Variants in GALNTL5 observed in about 807,000 individuals in gnomAD.
The protein encoded by GALNTL5 is polypeptide N-acetylgalactosaminyltransferase like 5, also known as inactive polypeptide N-acetylgalactosaminyltransferase-like protein 5.
Under a neutral mutation model 51.0 loss-of-function variants are expected in GALNTL5, and 44 were observed. The ratio of observed to expected loss-of-function variants is 0.86; its 90% CI spans 0.68 to 1.11. The LOEUF is 1.11. GALNTL5 is among the 50% of genes least tolerant of loss of function. GALNTL5 has a pLI of 0.00. For missense variants in GALNTL5, 528 were observed against 531.8 expected, an observed-to-expected ratio of 0.99 and a Z score of 0.07; for synonymous variants, 192 against 182.8, an observed-to-expected ratio of 1.05 and a Z score of -0.41.
chr7:152,002,810 T>G lies in GALNTL5; in HGVS notation c.755T>G (p.Val252Gly). 6.2e-7 allele frequency: 1 copy of G among 1,614,138 alleles called. No homozygotes were observed. Among genetic ancestry groups the G allele is most frequent in the Non-Finnish European group, 8.5e-7 (1 of 1,180,012 alleles). Residue 252 changes from valine (V) to glycine (G), a missense_variant, in exon 6 of 9, where the codon GTG (valine) becomes GGG (glycine). Coordinates refer to ENST00000392800, the MANE Select transcript of GALNTL5 (RefSeq NM_145292.4). ...HAIAKDPKMV[V>G]CPLIDVIDDR... is the part of the protein sequence containing the mutation. ...ATTGCCAAGGACCCCAAAATGGTGG[T>G]GTGCCCCCTGATAGATGTCATTGAT...
intron 5 of GALNTL5, 136 bp from the exon 6 acceptor site, chr7:152,002,578 C>T (rs2081594047): frequency 2.4e-6 from 2 of 822,352 alleles, no homozygotes; most frequent in Admixed American, 2.8e-5. Context: ...TGTTTCCTTC[C>T]AATGAAAATG....
intron 5 of GALNTL5, among the ~76,000 whole-genome samples, chr7:152,000,723 A>G (rs1175126573): frequency 6.6e-6 from 1 of 152,146 alleles, no homozygotes; most frequent in Non-Finnish European, 1.5e-5. Flanking sequence ...CGTCTTTGCA[A>G]AGATGTCTAT....
Position 151,957,045 on chromosome 7 carries a change from A to G in GALNTL5, c.-40+436A>G, listed in dbSNP as rs139084405. Among the ~76,000 whole-genome samples the G allele has an allele frequency of 6.2e-3, 934 of 151,812 alleles. 8 individuals are homozygous for G. Among genetic ancestry groups the G allele is most frequent in the Middle Eastern group, 0.021 (6 of 292 alleles). On this transcript the variant is annotated intron_variant, in intron 1 of 8. Transcript: ENST00000392800. ...TTATAAACTGGGCACGGCAGCTGGC[A>G]TCTGTAATTCCAGCTCCTGGGAGGC...
chr7:151,970,962 A>G lies in GALNTL5; in HGVS notation c.265A>G (p.Thr89Ala), dbSNP rs1554404601. Residue 89 changes from threonine to alanine, a missense_variant, in exon 3 of 9, where the codon ACA (threonine) becomes GCA (alanine). Transcript: ENST00000392800. The stretch of plus-strand genomic sequence containing the variant: ...TCTTGCAGGTACAGATTTTAACCAT[A>G]CAAACCCAGAACTTCATAAAGAACT... ...KSMLGTDFNH[T>A]NPELHKELLK... The G allele has an allele frequency of 6.2e-7, 1 of 1,603,268 alleles. No homozygotes were observed. Among genetic ancestry groups the G allele is most frequent in the Non-Finnish European group, 8.5e-7 (1 of 1,171,176 alleles).
intron 8 of GALNTL5, among the ~76,000 whole-genome samples, chr7:152,016,688 C>G (rs2081819021): frequency 6.6e-6 from 1 of 152,138 alleles, no homozygotes; most frequent in South Asian, 2.1e-4. Context: ...TACTCATCAA[C>G]AGTACAGTGG....
intron 5 of GALNTL5, among the ~76,000 whole-genome samples, chr7:151,992,227 G>C (rs1357150027): frequency 6.6e-6 from 1 of 152,078 alleles, no homozygotes; most frequent in Non-Finnish European, 1.5e-5. Context: ...TAGAAGTGGC[G>C]GCAGCAGGCA....
chr7:151,984,770 C>A (rs1586827196), intron 4 of GALNTL5, among the ~76,000 whole-genome samples: 1 of 152,100 alleles, frequency 6.6e-6, no homozygotes, highest in East Asian at 1.9e-4. Flanking sequence ...GGGAAAGCCA[C>A]CAGCAGGGGA....
In GALNTL5 at chr7:151,987,259, G is replaced by A. The variant is rs140077291; in HGVS notation, c.636G>A (p.Leu212=). ...GAGAGGGGCTGATTCGAGCAAGGCT[G>A]ATTGGAGCTTCTCATGCTTCAGGTA... is the stretch of plus-strand genomic sequence containing the variant. ...KKREGLIRAR[L]IGASHASGDV... Residue 212 remains leucine, a synonymous_variant, in exon 5 of 9, where the codon CTG becomes CTA. Coordinates refer to ENST00000392800, the MANE Select transcript of GALNTL5 (RefSeq NM_145292.4). The A allele has an allele frequency of 1.3e-6, 2 of 1,583,312 alleles. No homozygotes were observed. Among genetic ancestry groups the A allele is most frequent in the South Asian group, 1.2e-5 (1 of 83,546 alleles).
intron 4 of GALNTL5, 50 bp downstream of exon 4, chr7:151,983,202 A>C: frequency 6.8e-7 from 1 of 1,469,402 alleles, no homozygotes; most frequent in South Asian, 1.2e-5. Context: ...GTTGTTGTTG[A>C]GATTTCCCTC....
chr7:151,973,178 C>T (rs942037357), intron 3 of GALNTL5, among the ~76,000 whole-genome samples: 11 of 152,062 alleles, frequency 7.2e-5, no homozygotes, highest in African/African-American at 9.6e-5. Flanking sequence ...ATTTAGGGGC[C>T]AGGCACTGTG....
chr7:152,009,545 T>C (rs2081701652), intron 7 of GALNTL5, among the ~76,000 whole-genome samples: 2 of 152,224 alleles, frequency 1.3e-5, no homozygotes, highest in African/African-American at 2.4e-5. Context: ...TCCATCCTTG[T>C]CAGACTTTGC....
chr7:151,999,963 T>G (rs2081551048), intron 5 of GALNTL5, among the ~76,000 whole-genome samples: 2 of 152,214 alleles, frequency 1.3e-5, no homozygotes, highest in South Asian at 4.1e-4. Flanking sequence ...GTCATGTTGT[T>G]AGAGATTAAA....
chr7:152,011,361 C>G (rs1187493509), intron 7 of GALNTL5, among the ~76,000 whole-genome samples: 2 of 152,258 alleles, frequency 1.3e-5, no homozygotes, highest in East Asian at 3.8e-4. Flanking sequence ...GTTCTGGTAA[C>G]TGAGCTTCAA....
At chr7:151,957,159 A>G (rs2080936037) in intron 1 of GALNTL5, among the ~76,000 whole-genome samples, 1 of 149,730 alleles carries the variant, frequency 6.7e-6, no homozygotes, top group Admixed American at 6.6e-5. Flanking sequence ...AAAAAAAAAA[A>G]GGAAAAAAAG....
intron 5 of GALNTL5, among the ~76,000 whole-genome samples, chr7:151,990,178 G>T (rs1361406492): frequency 6.6e-6 from 1 of 151,838 alleles, no homozygotes; most frequent in African/African-American, 2.4e-5. Flanking sequence ...GAGTAGCTGG[G>T]ATTACAGGTG....
rs1396508770 is a variant in GALNTL5 at position 151,970,942 on chromosome 7, C to T, written c.248-3C>T. ...ATATGATTCTAATTACATTTTCTTGCAGGTACAGATTTTAACCATACAAAC... is the reference window on the plus strand; with the variant it reads ...ATATGATTCTAATTACATTTTCTTGTAGGTACAGATTTTAACCATACAAAC... On this transcript the variant is annotated splice_region_variant and splice_polypyrimidine_tract_variant and intron_variant, in intron 2 of 8. Coordinates refer to ENST00000392800, the MANE Select transcript of GALNTL5 (RefSeq NM_145292.4). 3 of 1,590,254 alleles carry T rather than the reference C, an allele frequency of 1.9e-6. No homozygotes were observed. In the South Asian group the frequency reaches 3.4e-5, roughly 18 times the overall value.
chr7:151,981,253 A>C (rs761652356), intron 3 of GALNTL5, among the ~76,000 whole-genome samples: 3 of 152,208 alleles, frequency 2.0e-5, no homozygotes, highest in Non-Finnish European at 4.4e-5. Flanking sequence ...GAAAAAGCCC[A>C]GGTGCAGAGG....
chr7:152,008,262 T>TA (rs1361824821), intron 7 of GALNTL5, among the ~76,000 whole-genome samples: 1 of 119,234 alleles, frequency 8.4e-6, no homozygotes, highest in Non-Finnish European at 1.8e-5. Context: ...TTTTTTTTTT[T>TA]ATGAGATGTG....
At chr7:151,990,694 A>G (rs1420983510) in intron 5 of GALNTL5, among the ~76,000 whole-genome samples, 2 of 152,090 alleles carry the variant, frequency 1.3e-5, no homozygotes, top group South Asian at 2.1e-4. Context: ...ATGTGAGTGC[A>G]AGTAACATGT....
Sources: gnomAD v4.1 joint callset for allele counts (sites outside exome capture counted in the v4.1 genomes callset) on GRCh38, gnomAD v4.1.1 for gene constraint, MANE v1.5 for transcripts, NCBI Gene and HGNC (gene_info 2026-07-23, HGNC 2026-07-21) for gene names.